Variants in CDC42BPA observed in about 807,000 individuals in gnomAD.
CDC42BPA encodes CDC42 binding protein kinase alpha, also known as serine/threonine-protein kinase MRCK alpha.
A neutral mutation model predicts 223.5 loss-of-function variants in CDC42BPA; 80 were observed. The observed-to-expected ratio is 0.36, with a 90% confidence interval of 0.30 to 0.43. The LOEUF (loss-of-function observed/expected upper bound fraction) is 0.43, where lower values mean the gene tolerates loss of function less well. Among genes scored for constraint, CDC42BPA ranks in the 20% least tolerant of loss-of-function variants. The probability of loss-of-function intolerance (pLI) is 1.00; values close to 1 mark genes in which losing one functional copy is unlikely to be tolerated. For synonymous variants in CDC42BPA, 694 were observed against 718.6 expected, an observed-to-expected ratio of 0.97 and a Z score of 0.55; for missense variants, 1,743 against 2,099.9, an observed-to-expected ratio of 0.83 and a Z score of 3.32.
intron 21 of CDC42BPA, among the ~76,000 whole-genome samples, chr1:227,056,831 CTT>C (rs1674680129): frequency 6.6e-6 from 1 of 152,144 alleles, no homozygotes; most frequent in African/African-American, 2.4e-5. Context: ...GTTAATTGAA[CTT>C]ATGATACAAA....
intron 6 of CDC42BPA, among the ~76,000 whole-genome samples, chr1:227,155,417 C>T (rs1307686461): frequency 6.6e-6 from 1 of 152,148 alleles, no homozygotes; most frequent in Non-Finnish European, 1.5e-5. Context: ...TCCAATGGAA[C>T]CTTCCTCAGG....
At chr1:227,235,300 A>G (rs1176089653) in intron 2 of CDC42BPA, 1 of 152,212 alleles carries the variant, frequency 6.6e-6, no homozygotes, top group African/African-American at 2.4e-5. Flanking sequence ...CCACTATGGA[A>G]TCAAATCAGA....
chr1:227,029,194 C>T lies in CDC42BPA; in HGVS notation c.3895G>A (p.Asp1299Asn), dbSNP rs781762933. 11 of 1,600,852 alleles carry T rather than the reference C, an allele frequency of 6.9e-6. No individual in the cohort carries two copies. Among genetic ancestry groups the T allele is most frequent in the Non-Finnish European group, 7.6e-6 (9 of 1,179,730 alleles). Residue 1299 changes from aspartate to asparagine, a missense_variant, in exon 30 of 37, where the codon GAT (aspartate) becomes AAT (asparagine). Asp to Asn is a conservative substitution (Grantham distance 23). Transcript: ENST00000366766. ...CCTGAGATCACAGCAACAAGCTGAT[C>T]ATTTGGAATGAGTTCAATCTGATGA... The part of the protein sequence containing the change: ...KIHQIELIPN[D>N]QLVAVISGRN...
chr1:227,021,487 A>G (rs777492060), intron 32 of CDC42BPA, among the ~76,000 whole-genome samples: 11 of 152,210 alleles, frequency 7.2e-5, no homozygotes, highest in Non-Finnish European at 1.3e-4. Context: ...GACTTCTGCT[A>G]TATTCACCAG....
At chr1:227,274,120 A>C in intron 1 of CDC42BPA, among the ~76,000 whole-genome samples, 1 of 151,990 alleles carries the variant, frequency 6.6e-6, no homozygotes, top group East Asian at 1.9e-4. Flanking sequence ...TCCGTAGTAT[A>C]TATCTCCTAA....
At chr1:227,030,582 A>G (rs1669101084) in intron 28 of CDC42BPA, 112 bp from the exon 29 acceptor site, 3 of 631,064 alleles carry the variant, frequency 4.8e-6, no homozygotes, top group African/African-American at 1.9e-5. Flanking sequence ...ATGAATTACA[A>G]TAACAGTTTA....
intron 35 of CDC42BPA, among the ~76,000 whole-genome samples, chr1:226,998,487 G>A (rs1359131974): frequency 6.6e-6 from 1 of 152,128 alleles, no homozygotes; most frequent in African/African-American, 2.4e-5. Flanking sequence ...CAGAAGTAAT[G>A]CCACGTATCT....
intron 32 of CDC42BPA, among the ~76,000 whole-genome samples, chr1:227,017,441 T>C (rs1005062787): frequency 1.4e-5 from 2 of 146,964 alleles, no homozygotes; most frequent in African/African-American, 2.5e-5. Flanking sequence ...CTACTACTGT[T>C]ACCCTGAACA....
intron 21 of CDC42BPA, among the ~76,000 whole-genome samples, chr1:227,066,184 T>C (rs1572591483): frequency 6.6e-6 from 1 of 151,230 alleles, no homozygotes; most frequent in Non-Finnish European, 1.5e-5. Flanking sequence ...AGGTCAGGAG[T>C]TCAAGAGCAG....
intron 2 of CDC42BPA, among the ~76,000 whole-genome samples, chr1:227,244,001 C>CA (rs367709210): frequency 4.9e-5 from 7 of 142,302 alleles, no homozygotes; most frequent in East Asian, 2.1e-4. Context: ...ACTCACTCAC[C>CA]AAAAAAAAAC....
intron 11 of CDC42BPA, among the ~76,000 whole-genome samples, chr1:227,123,795 A>G (rs868757148): frequency 1.8e-4 from 28 of 152,258 alleles, no homozygotes; most frequent in African/African-American, 4.8e-4. Flanking sequence ...ATCAGTAAAA[A>G]TAGGCTCCTT....
At chr1:227,173,750 C>T (rs1388883139) in intron 5 of CDC42BPA, among the ~76,000 whole-genome samples, 3 of 151,858 alleles carry the variant, frequency 2.0e-5, no homozygotes, top group Non-Finnish European at 4.4e-5. Context: ...AATACTTCTT[C>T]CTCTGGCTGA....
intron 20 of CDC42BPA, among the ~76,000 whole-genome samples, chr1:227,070,852 T>C (rs1332260981): frequency 6.6e-6 from 1 of 151,866 alleles, no homozygotes; most frequent in Admixed American, 6.6e-5. Context: ...CTTAAGTCTC[T>C]TTCAAGTTTA....
chr1:227,142,890 T>C (rs911922803), intron 9 of CDC42BPA, 55 bp downstream of exon 9: 8 of 1,228,572 alleles, frequency 6.5e-6, no homozygotes, highest in Non-Finnish European at 9.1e-6. Flanking sequence ...AGTGTTGGGA[T>C]TACAGGCGTG....
At chr1:227,288,659 T>C (rs977201223) in intron 1 of CDC42BPA, among the ~76,000 whole-genome samples, 2 of 146,312 alleles carry the variant, frequency 1.4e-5, no homozygotes, top group African/African-American at 5.1e-5. Flanking sequence ...CTGCACCATT[T>C]CACTCCAGCC....
chr1:227,230,820 C>CTTTTT (rs1198828997), intron 2 of CDC42BPA, among the ~76,000 whole-genome samples: 6 of 91,590 alleles, frequency 6.6e-5, no homozygotes, highest in East Asian at 3.0e-4. Flanking sequence ...TTCTTTCTTT[C>CTTTTT]TTTTTTTTTT....
intron 1 of CDC42BPA, among the ~76,000 whole-genome samples, chr1:227,281,743 G>C (rs1331064039): frequency 3.9e-5 from 6 of 152,198 alleles, no homozygotes; most frequent in Non-Finnish European, 7.3e-5. Flanking sequence ...CAAAGCATGA[G>C]GCTGAGCAGA....
chr1:227,174,206 C>A (rs752769390), intron 5 of CDC42BPA, among the ~76,000 whole-genome samples: 3 of 152,058 alleles, frequency 2.0e-5, no homozygotes, highest in Non-Finnish European at 2.9e-5. Context: ...TATAACATTA[C>A]CTATTCTTTA....
intron 5 of CDC42BPA, among the ~76,000 whole-genome samples, chr1:227,186,500 AGCAGGAAG>A (rs1668793355): frequency 1.3e-5 from 2 of 152,136 alleles, no homozygotes; most frequent in African/African-American, 2.4e-5. Flanking sequence ...GTCCCAACTA[AGCAGGAAG>A]GCAGGAAGGG....
Sources: allele counts gnomAD v4.1 joint callset (sites outside exome capture counted in the v4.1 genomes callset), GRCh38; gene constraint gnomAD v4.1.1; transcripts MANE v1.5; gene names NCBI Gene and HGNC (gene_info 2026-07-23, HGNC 2026-07-21).